PALM2AKAP2: variants seen among roughly 807,000 people sequenced by gnomAD.
The protein encoded by PALM2AKAP2 is PALM2-AKAP2 fusion protein.
Under a neutral mutation model 71.5 loss-of-function variants are expected in PALM2AKAP2, and 37 were observed. The ratio of observed to expected loss-of-function variants is 0.52; its 90% CI spans 0.40 to 0.68. The LOEUF is 0.68. Among genes scored for constraint, PALM2AKAP2 ranks in the 30% least tolerant of loss-of-function variants. The pLI is 0.00. For missense variants in PALM2AKAP2, 1,224 were observed against 1,191.8 expected (o/e 1.03, Z -0.40); for synonymous variants, 468 against 478.8 (o/e 0.98, Z 0.29).
intron 6 of PALM2AKAP2, among the ~76,000 whole-genome samples, chr9:109,935,144 C>A (rs943986751): frequency 6.6e-6 from 1 of 152,212 alleles, no homozygotes; most frequent in Non-Finnish European, 1.5e-5. Context: ...TCACTTGAAT[C>A]TAGGCCTCAA....
At chr9:110,048,124 G>T (rs879940009), upstream of PALM2AKAP2, among the ~76,000 whole-genome samples, 1 of 152,176 alleles carries the variant, frequency 6.6e-6, no homozygotes, top group Non-Finnish European at 1.5e-5. Context: ...CAAACACGCG[G>T]AGACACCATT....
chr9:109,732,035 A>C (rs1028169448), intron 1 of PALM2AKAP2, among the ~76,000 whole-genome samples: 1 of 152,214 alleles, frequency 6.6e-6, no homozygotes, highest in African/African-American at 2.4e-5. Flanking sequence ...TGCCTTCAGC[A>C]GGAGCCACTT....
chr9:109,664,744 A>G (rs1827453779), intron 1 of PALM2AKAP2, among the ~76,000 whole-genome samples: 1 of 152,174 alleles, frequency 6.6e-6, no homozygotes, highest in Non-Finnish European at 1.5e-5. Flanking sequence ...CTGCCTTGCT[A>G]TGTTGGGGAA....
At chr9:109,842,705 G>A (rs1828732155) in intron 1 of PALM2AKAP2, among the ~76,000 whole-genome samples, 1 of 152,094 alleles carries the variant, frequency 6.6e-6, no homozygotes, top group African/African-American at 2.4e-5. Flanking sequence ...CTGACAAGAA[G>A]TCGGCCCAAG....
At chr9:109,660,075 C>T (rs955596987) in intron 1 of PALM2AKAP2, among the ~76,000 whole-genome samples, 2 of 152,146 alleles carry the variant, frequency 1.3e-5, no homozygotes, top group Non-Finnish European at 2.9e-5. Flanking sequence ...CTCAAGGAGT[C>T]CTCCCATGTT....
chr9:109,714,707 A>G (rs1828289981), intron 1 of PALM2AKAP2, among the ~76,000 whole-genome samples: 1 of 152,154 alleles, frequency 6.6e-6, no homozygotes, highest in Non-Finnish European at 1.5e-5. Context: ...CGTGCCCAGG[A>G]TGAGGTTCTC....
chr9:110,077,705 A>C (rs1404765258), intron 1 of PALM2AKAP2, among the ~76,000 whole-genome samples: 1 of 152,208 alleles, frequency 6.6e-6, no homozygotes, highest in Non-Finnish European at 1.5e-5. Flanking sequence ...TTTTCTGCAA[A>C]GGGCCAGACA....
intron 1 of PALM2AKAP2, among the ~76,000 whole-genome samples, chr9:109,643,776 T>G (rs910486133): frequency 6.6e-6 from 1 of 152,142 alleles, no homozygotes; most frequent in Non-Finnish European, 1.5e-5. Context: ...GCTTCCTTAA[T>G]GTATTAGGCT....
chr9:110,024,277 C>G (rs1470563810), intron 7 of PALM2AKAP2, among the ~76,000 whole-genome samples: 1 of 152,192 alleles, frequency 6.6e-6, no homozygotes. Flanking sequence ...TAGTTAATCT[C>G]CATTCTACCC....
At chr9:109,742,212 G>A (rs966450666) in intron 1 of PALM2AKAP2, among the ~76,000 whole-genome samples, 7 of 149,336 alleles carry the variant, frequency 4.7e-5, no homozygotes, top group Admixed American at 4.7e-4. Flanking sequence ...GTACTCACAT[G>A]TATGTACTCA....
chr9:109,792,598 T>C (rs1030511984), intron 1 of PALM2AKAP2, among the ~76,000 whole-genome samples: 2 of 152,096 alleles, frequency 1.3e-5, no homozygotes, highest in Non-Finnish European at 2.9e-5. Context: ...TGGGGCTACC[T>C]TATACCCTGA....
intron 1 of PALM2AKAP2, among the ~76,000 whole-genome samples, chr9:110,068,796 G>A (rs1457939093): frequency 6.6e-6 from 1 of 152,178 alleles, no homozygotes; most frequent in African/African-American, 2.4e-5. Context: ...GCCTCCCAAA[G>A]TGTTGGGATT....
chr9:109,827,614 A>G (rs537644330), intron 1 of PALM2AKAP2, among the ~76,000 whole-genome samples: 15 of 152,324 alleles, frequency 9.8e-5, no homozygotes, highest in Admixed American at 3.9e-4. Context: ...GTCTAAAAAA[A>G]GAAAAAAAAT....
intron 1 of PALM2AKAP2, among the ~76,000 whole-genome samples, chr9:110,064,656 G>A (rs1265826186): frequency 6.6e-6 from 1 of 152,242 alleles, no homozygotes; most frequent in Non-Finnish European, 1.5e-5. Context: ...CCCCGGAACT[G>A]GGGCAGTTCC....
chr9:109,780,456 C>T (rs756978569), exon 1 of PALM2AKAP2: 22 of 1,612,758 alleles, frequency 1.4e-5, no homozygotes, highest in Non-Finnish European at 1.8e-5. Flanking sequence ...TTTTTTCTTT[C>T]CTCTTTCCCC....
intron 1 of PALM2AKAP2, among the ~76,000 whole-genome samples, chr9:110,091,516 G>GTCGC (rs1834711466): frequency 7.1e-6 from 1 of 141,390 alleles, no homozygotes; most frequent in South Asian, 2.2e-4. Context: ...AGGCTGGGGT[G>GTCGC]CAGTAGCACG....
At chr9:109,860,526 A>G (rs557648596) in intron 1 of PALM2AKAP2, among the ~76,000 whole-genome samples, 1 of 152,364 alleles carries the variant, frequency 6.6e-6, no homozygotes, top group South Asian at 2.1e-4. Context: ...AAGTAATTTC[A>G]GTATCCTTAC....
At chr9:109,867,460 C>A in intron 1 of PALM2AKAP2, 31 bp from the exon 2 acceptor site, 1 of 1,608,334 alleles carries the variant, frequency 6.2e-7, no homozygotes, top group Non-Finnish European at 8.5e-7. Context: ...CACCCACCCA[C>A]TCTTACAGCC....
chr9:109,669,745 A>G (rs1827547421), intron 1 of PALM2AKAP2, among the ~76,000 whole-genome samples: 1 of 152,032 alleles, frequency 6.6e-6, no homozygotes, highest in Non-Finnish European at 1.5e-5. Flanking sequence ...AGTTTTTCAT[A>G]ATGTCCTCTT....
Sources: allele counts gnomAD v4.1 joint callset (sites outside exome capture counted in the v4.1 genomes callset), GRCh38; gene constraint gnomAD v4.1.1; transcripts MANE v1.5; gene names NCBI Gene and HGNC (gene_info 2026-07-23, HGNC 2026-07-21).